NKD2: variants seen among roughly 807,000 people sequenced by gnomAD.
NKD2 encodes the protein protein naked cuticle homolog 2.
A neutral mutation model predicts 34.8 loss-of-function variants in NKD2; 43 were observed. The ratio of observed to expected loss-of-function variants is 1.24; its 90% CI spans 0.97 to 1.60. The LOEUF is 1.60. Among genes scored for constraint, NKD2 ranks in the 40% most tolerant of loss-of-function variants. The probability of loss-of-function intolerance (pLI) is 0.00; values close to 1 mark genes in which losing one functional copy is unlikely to be tolerated. For missense variants in NKD2, 675 were observed against 627.1 expected (o/e 1.08, Z -0.82); for synonymous variants, 278 against 265.1 (o/e 1.05, Z -0.47).
intron 3 of NKD2, among the ~76,000 whole-genome samples, chr5:1,027,751 A>G (rs1756479756): frequency 6.6e-6 from 1 of 152,180 alleles, no homozygotes; most frequent in Non-Finnish European, 1.5e-5. Flanking sequence ...TGCCCTCACG[A>G]GGCCCAGGAG....
chr5:1,009,475 C>T lies in NKD2; in HGVS notation c.62-6C>T, dbSNP rs1363468819. ...GGTTTCCCGCGCGTCCGCCCCCGGA[C>T]CGCAGGGGACAGCTTCGTGGCGTCC... On this transcript the variant is annotated splice_polypyrimidine_tract_variant and splice_region_variant and intron_variant, in intron 2 of 9. Coordinates refer to ENST00000296849, the MANE Select transcript of NKD2 (RefSeq NM_033120.4). This position sits in a 1 kb window ranked among gnomAD's most constrained non-coding sequence, Gnocchi z 6.9. 1.3e-6 allele frequency: 2 copies of T among 1,495,756 alleles called. No homozygotes were observed. The highest frequency in any genetic ancestry group is 1.8e-6 in the Non-Finnish European group (2 of 1,130,244). The allele number at this position is 1,495,756 out of a possible 1,614,324, so 92.7% of individuals were successfully genotyped here. A position where few individuals can be genotyped will look rare whatever the true frequency, so the allele number is the denominator to read the frequency against.
At chr5:1,035,298 A>G (rs779481994) in intron 7 of NKD2, 91 bp from the exon 8 acceptor site, 289 of 980,784 alleles carry the variant, frequency 2.9e-4, no homozygotes, top group Non-Finnish European at 3.6e-4. Flanking sequence ...GAATGAATGA[A>G]TGAGTGAGTG....
intron 3 of NKD2, among the ~76,000 whole-genome samples, chr5:1,024,407 G>A (rs373373498): frequency 1.3e-3 from 2 of 1,512 alleles, no homozygotes; most frequent in Non-Finnish European, 0.042. Flanking sequence ...GTCCCAGCCC[G>A]TTGTCCCTGC....
chr5:1,018,107 CTGCGAGA>C (rs941061118), intron 3 of NKD2, among the ~76,000 whole-genome samples: 2 of 152,140 alleles, frequency 1.3e-5, no homozygotes, highest in African/African-American at 4.8e-5. Context: ...CAGGCAGGGG[CTGCGAGA>C]GACACAGCGG....
chr5:1,029,356 G>A (rs1188191401), intron 3 of NKD2, among the ~76,000 whole-genome samples: 2 of 152,234 alleles, frequency 1.3e-5, no homozygotes, highest in Non-Finnish European at 2.9e-5. Flanking sequence ...GCTGGTTGGT[G>A]CAGCGTTGGC....
chr5:1,009,418 C>A lies in NKD2; in HGVS notation c.62-63C>A. The A allele has an allele frequency of 1.5e-6, 2 of 1,376,910 alleles. No individual in the cohort carries two copies. The highest frequency in any genetic ancestry group is 1.9e-6 in the Non-Finnish European group (2 of 1,027,664). The allele number at this position is 1,376,910 out of a possible 1,614,324, so 85.3% of individuals were successfully genotyped here. A position where few individuals can be genotyped will look rare whatever the true frequency, so the allele number is the denominator to read the frequency against. On this transcript the variant is annotated intron_variant, in intron 2 of 9. Transcript: ENST00000296849. The surrounding 1 kb of genome is among the most constrained non-coding windows in gnomAD (Gnocchi z 6.9). ...CAGCGAAGGCGCAGCGCCCGCGGGG[C>A]TCACGGCGCGTCTCTTTCCCTCCTC...
intron 7 of NKD2, 85 bp from the exon 8 acceptor site, chr5:1,035,276 CAGTGAGTTAATGAATGAATGAATGAGTG>C: frequency 1.3e-6 from 1 of 747,132 alleles, no homozygotes; most frequent in Non-Finnish European, 2.2e-6. Context: ...ATGAGTGAAC[CAGTGAGTTAATGAATGAATGAATGAGTG>C]AGTGAGTTAA....
At chr5:1,015,699 G>A (rs12518326) in intron 3 of NKD2, among the ~76,000 whole-genome samples, 9,233 of 152,266 alleles carry the variant, frequency 0.061, 462 homozygotes, top group African/African-American at 0.13. Flanking sequence ...ACATGCTGCC[G>A]CCAGCATTTC....
At chr5:1,034,477 C>A in intron 6 of NKD2, 147 bp downstream of exon 6, 1 of 752,596 alleles carries the variant, frequency 1.3e-6, no homozygotes, top group Non-Finnish European at 2.3e-6. Context: ...CTCCCCAGGG[C>A]CCAGTTCACG....
Position 1,038,491 on chromosome 5 carries a change from G to A in NKD2, c.*118G>A, listed in dbSNP as rs549915325. 5.2e-4 allele frequency: 781 copies of A among 1,513,830 alleles called. No individual in the cohort carries two copies. Among genetic ancestry groups the A allele is most frequent in the Non-Finnish European group, 6.0e-4 (685 of 1,139,616 alleles). 93.8% of individuals were successfully genotyped at this position (1,513,830 alleles called of 1,614,324 possible). On this transcript the variant is annotated 3_prime_UTR_variant, in exon 10 of 10. Transcript: ENST00000296849. This position sits in a 1 kb window ranked among gnomAD's most constrained non-coding sequence, Gnocchi z 4.5. ...AGCCCAGCCCCCACCCCCCACCTCC[G>A]ACAGCAAACAGCAACTGACTGCAGG... is the stretch of plus-strand genomic sequence containing the variant.
At chr5:1,012,204 T>G (rs73024816) in intron 3 of NKD2, among the ~76,000 whole-genome samples, 1,984 of 152,264 alleles carry the variant, frequency 0.013, 24 homozygotes, top group East Asian at 0.045. Flanking sequence ...AAGACAAGAG[T>G]CACTGTTAAC....
Position 1,035,451 on chromosome 5 carries a change from A to G in NKD2, c.637A>G (p.Arg213Gly), listed in dbSNP as rs1733853559. ...GGCAGAGGAGCCAAGGGTGGCTGAC[A>G]GGAGGTTGTCTGCACACGTCAGGTG... ...ELAEEPRVAD[R>G]RLSAHVRRPS... Residue 213 changes from arginine to glycine, a missense_variant, in exon 8 of 10, where the codon AGG becomes GGG. Arg to Gly is a moderately radical substitution (Grantham distance 125). Transcript: ENST00000296849. The G allele has an allele frequency of 1.3e-6, 2 of 1,556,944 alleles. No homozygotes were observed. Among genetic ancestry groups the G allele is most frequent in the Non-Finnish European group, 1.7e-6 (2 of 1,150,280 alleles).
chr5:1,031,906 G>A (rs1422932215), intron 3 of NKD2, among the ~76,000 whole-genome samples: 4 of 152,194 alleles, frequency 2.6e-5, no homozygotes, highest in Non-Finnish European at 5.9e-5. Flanking sequence ...ATTCCAGGCA[G>A]CTGCATCTTC....
At chr5:1,021,881 C>T (rs917474208) in intron 3 of NKD2, among the ~76,000 whole-genome samples, 2 of 152,114 alleles carry the variant, frequency 1.3e-5, no homozygotes, top group African/African-American at 4.8e-5. Flanking sequence ...ATTTAAAGAG[C>T]CTTGGAAACC....
In NKD2 at chr5:1,035,938, G is replaced by T. The variant is rs1733893390; in HGVS notation, c.660-319G>T. On this transcript the variant is annotated intron_variant, in intron 8 of 9. Coordinates refer to ENST00000296849, the MANE Select transcript of NKD2 (RefSeq NM_033120.4). ...GGCTGGGGGTGGCTGGGTGGCTGGG[G>T]TGTGGCTGGCGCAGTGGCTACAGTG... 1.8e-5 allele frequency: 7 copies of T among 391,656 alleles called. No homozygotes were observed. The East Asian group carries it at 2.7e-4, about 15-fold the overall frequency. The allele number at this position is 391,656 out of a possible 1,614,324, so 24.3% of individuals were successfully genotyped here.
chr5:1,010,902 A>G (rs1755727797), intron 3 of NKD2, among the ~76,000 whole-genome samples: 1 of 152,228 alleles, frequency 6.6e-6, no homozygotes, highest in Admixed American at 6.5e-5. Context: ...GCGCTGCACC[A>G]TGAACCTTAA....
intron 3 of NKD2, among the ~76,000 whole-genome samples, chr5:1,011,562 G>A (rs186200953): frequency 6.6e-6 from 1 of 152,310 alleles, no homozygotes; most frequent in Admixed American, 6.5e-5. Context: ...TGGGGCCAGC[G>A]AGGGGACTCA....
chr5:1,036,807 T>C (rs1733978536), intron 9 of NKD2: 1 of 457,002 alleles, frequency 2.2e-6, no homozygotes, highest in South Asian at 1.6e-5. Flanking sequence ...CAACAGGCAG[T>C]GTGGACGGCA....
At chr5:1,031,455 C>T (rs1756641250) in intron 3 of NKD2, among the ~76,000 whole-genome samples, 1 of 152,156 alleles carries the variant, frequency 6.6e-6, no homozygotes, top group Non-Finnish European at 1.5e-5. Context: ...GCCCATCCCT[C>T]CCGCCCGCCT....
Sources: allele counts gnomAD v4.1 joint callset (sites outside exome capture counted in the v4.1 genomes callset), GRCh38; gene constraint gnomAD v4.1.1; non-coding constraint Gnocchi (gnomAD v3.1); transcripts MANE v1.5; gene names NCBI Gene and HGNC (gene_info 2026-07-23, HGNC 2026-07-21).